Variants in SLIT3 observed in about 807,000 individuals in gnomAD.
The protein encoded by SLIT3 is slit guidance ligand 3.
SLIT3 carries 68 observed loss-of-function variants against 184.0 expected under a neutral mutation model. That is an observed-to-expected ratio of 0.37 (90% confidence interval 0.30 to 0.45). SLIT3 has a LOEUF of 0.45. Ranked by LOEUF, SLIT3 falls within the 20% of genes least tolerant of loss-of-function variation. SLIT3 has a pLI of 1.00. For synonymous variants in SLIT3, 831 were observed against 828.6 expected, an observed-to-expected ratio of 1.00 and a Z score of -0.05; for missense variants, 1,707 against 2,026.0, an observed-to-expected ratio of 0.84 and a Z score of 3.02.
At chr5:168,755,622 G>T (rs948802970) in intron 16 of SLIT3, among the ~76,000 whole-genome samples, 24 of 152,016 alleles carry the variant, frequency 1.6e-4, no homozygotes, top group African/African-American at 5.5e-4. Context: ...TTTTAGTAGA[G>T]ATAGGGTTTC....
intron 4 of SLIT3, among the ~76,000 whole-genome samples, chr5:168,961,708 A>G (rs1725795871): frequency 6.6e-6 from 1 of 152,158 alleles, no homozygotes; most frequent in African/African-American, 2.4e-5. Context: ...AGAATTGGTA[A>G]AAAGCTCTGT....
At chr5:169,219,397 C>A (rs1193269791) in intron 3 of SLIT3, among the ~76,000 whole-genome samples, 1 of 152,230 alleles carries the variant, frequency 6.6e-6, no homozygotes, top group Non-Finnish European at 1.5e-5. Flanking sequence ...GCTTTACAGA[C>A]AATAAAACTG....
rs1366842234 is a variant in SLIT3 at position 168,785,992 on chromosome 5, G to A, written c.1080-14C>T. On this transcript the variant is annotated splice_polypyrimidine_tract_variant and intron_variant, in intron 11 of 35. Coordinates refer to ENST00000519560, the MANE Select transcript of SLIT3 (RefSeq NM_003062.4). ...CCATACAGGACCCTGAAAGAGAGAAGGAGAAGACAGCAATCACTGTGGATG... is the reference window on the plus strand; with the variant it reads ...CCATACAGGACCCTGAAAGAGAGAAAGAGAAGACAGCAATCACTGTGGATG... 3.8e-6 allele frequency: 6 copies of A among 1,585,890 alleles called. No individual in the cohort carries two copies. Among genetic ancestry groups the A allele is most frequent in the Non-Finnish European group, 4.3e-6 (5 of 1,154,628 alleles).
At chr5:168,814,574 C>G (rs561313280) in intron 8 of SLIT3, among the ~76,000 whole-genome samples, 19 of 152,124 alleles carry the variant, frequency 1.2e-4, no homozygotes, top group Non-Finnish European at 2.6e-4. Context: ...ACCTCCTTCT[C>G]TAGGGCCTCA....
chr5:169,256,883 C>A (rs1226403367), intron 1 of SLIT3, among the ~76,000 whole-genome samples: 1 of 152,098 alleles, frequency 6.6e-6, no homozygotes, highest in Non-Finnish European at 1.5e-5. Flanking sequence ...GATGCCCCTC[C>A]CTCCAAGTAG....
intron 4 of SLIT3, among the ~76,000 whole-genome samples, chr5:168,888,950 A>G (rs188816352): frequency 6.6e-6 from 1 of 152,328 alleles, no homozygotes; most frequent in East Asian, 1.9e-4. Context: ...AAATTTTGAC[A>G]GATAATCTAC....
intron 4 of SLIT3, among the ~76,000 whole-genome samples, chr5:169,016,467 G>A (rs1756379264): frequency 6.6e-6 from 1 of 152,154 alleles, no homozygotes; most frequent in African/African-American, 2.4e-5. Context: ...GATATAATAT[G>A]CAAGTTTATA....
At chr5:168,857,163 A>G (rs1321519037) in intron 5 of SLIT3, among the ~76,000 whole-genome samples, 1 of 152,096 alleles carries the variant, frequency 6.6e-6, no homozygotes, top group Non-Finnish European at 1.5e-5. Context: ...TCTACCCACA[A>G]GCTTCCAGGT....
intron 4 of SLIT3, among the ~76,000 whole-genome samples, chr5:168,918,879 A>G (rs1009246329): frequency 4.6e-5 from 7 of 152,218 alleles, no homozygotes; most frequent in African/African-American, 1.4e-4. Flanking sequence ...AAGTCAAAAA[A>G]TCCTCACCAT....
At chr5:169,246,143 C>T (rs1484881554) in intron 2 of SLIT3, among the ~76,000 whole-genome samples, 2 of 152,156 alleles carry the variant, frequency 1.3e-5, no homozygotes, top group Non-Finnish European at 2.9e-5. Context: ...ACCCACACCC[C>T]GCAAAAGAAA....
chr5:169,078,101 C>T (rs1027478789), intron 4 of SLIT3, among the ~76,000 whole-genome samples: 1 of 152,090 alleles, frequency 6.6e-6, no homozygotes. Context: ...TTTTGCTTCA[C>T]CCACAGGGAT....
intron 8 of SLIT3, among the ~76,000 whole-genome samples, chr5:168,810,612 G>A (rs970556410): frequency 6.6e-6 from 1 of 152,210 alleles, no homozygotes; most frequent in Non-Finnish European, 1.5e-5. Flanking sequence ...CTCTGGGGGG[G>A]ACTTGGTCAC....
At chr5:168,717,423 G>A (rs1200472903) in intron 23 of SLIT3, among the ~76,000 whole-genome samples, 5 of 151,720 alleles carry the variant, frequency 3.3e-5, no homozygotes, top group African/African-American at 4.9e-5. Flanking sequence ...TGGGTTAGGT[G>A]CCTCTCACTT....
At chr5:169,053,947 C>G (rs1174197018) in intron 4 of SLIT3, among the ~76,000 whole-genome samples, 1 of 151,966 alleles carries the variant, frequency 6.6e-6, no homozygotes, top group Non-Finnish European at 1.5e-5. Flanking sequence ...AAAAGTTAGC[C>G]AGGCCTGGTG....
At chr5:169,046,852 T>C (rs996155941) in intron 4 of SLIT3, among the ~76,000 whole-genome samples, 12 of 152,190 alleles carry the variant, frequency 7.9e-5, no homozygotes, top group African/African-American at 2.9e-4. Flanking sequence ...AGCACCCCTC[T>C]GCTCCAGAGC....
intron 5 of SLIT3, among the ~76,000 whole-genome samples, chr5:168,859,226 A>T (rs567544148): frequency 6.6e-6 from 1 of 152,166 alleles, no homozygotes; most frequent in Non-Finnish European, 1.5e-5. Context: ...CCCTCCAAGA[A>T]GAGAGAGGCC....
At chr5:168,841,595 C>A (rs912317366) in intron 6 of SLIT3, among the ~76,000 whole-genome samples, 1 of 141,388 alleles carries the variant, frequency 7.1e-6, no homozygotes, top group Non-Finnish European at 1.6e-5. Flanking sequence ...CAGTTCATTT[C>A]TTCTCATACA....
intron 32 of SLIT3, among the ~76,000 whole-genome samples, chr5:168,681,642 C>T (rs1320287070): frequency 6.6e-6 from 1 of 152,184 alleles, no homozygotes; most frequent in East Asian, 1.9e-4. Context: ...AGCTTCTGGA[C>T]AGCAATTCTC....
chr5:169,171,740 A>G (rs1313816330), intron 4 of SLIT3, among the ~76,000 whole-genome samples: 2 of 152,252 alleles, frequency 1.3e-5, no homozygotes, highest in Non-Finnish European at 2.9e-5. Context: ...ATTTGCAGAC[A>G]TCTACCTCGG....
Sources: gnomAD v4.1 joint callset for allele counts (sites outside exome capture counted in the v4.1 genomes callset) on GRCh38, gnomAD v4.1.1 for gene constraint, MANE v1.5 for transcripts, NCBI Gene and HGNC (gene_info 2026-07-23, HGNC 2026-07-21) for gene names.